The following MCF2L2 variants were observed in gnomAD, a reference collection of about 807,000 sequenced individuals.
MCF2L2 encodes the protein probable guanine nucleotide exchange factor MCF2L2.
MCF2L2 carries 102 observed loss-of-function variants against 150.2 expected under a neutral mutation model. That is an observed-to-expected ratio of 0.68 (90% CI 0.58 to 0.80). The LOEUF (loss-of-function observed/expected upper bound fraction) is 0.80, where lower values mean the gene tolerates loss of function less well. MCF2L2 is among the 30% of genes least tolerant of loss of function. The pLI, the probability that MCF2L2 is intolerant of heterozygous loss-of-function variation, is 0.00. For missense variants in MCF2L2, 1,256 were observed against 1,372.8 expected (o/e 0.91, Z 1.34); for synonymous variants, 465 against 491.3 (o/e 0.95, Z 0.71).
intron 15 of MCF2L2, among the ~76,000 whole-genome samples, chr3:183,245,849 G>A (rs1352684133): frequency 6.6e-6 from 1 of 152,202 alleles, no homozygotes; most frequent in Non-Finnish European, 1.5e-5. Context: ...TAACAGTTGA[G>A]TTTTGCTCAG....
At chr3:183,216,477 AT>A (rs1722918843) in intron 21 of MCF2L2, among the ~76,000 whole-genome samples, 1 of 139,398 alleles carries the variant, frequency 7.2e-6, no homozygotes, top group Non-Finnish European at 1.5e-5. Context: ...TTAATATATA[AT>A]TATATGTTTA....
chr3:183,412,830 T>C (rs1715389439), intron 1 of MCF2L2, among the ~76,000 whole-genome samples: 1 of 152,194 alleles, frequency 6.6e-6, no homozygotes, highest in Non-Finnish European at 1.5e-5. Context: ...CATTCAGTCA[T>C]TCAGCACTAA....
intron 1 of MCF2L2, among the ~76,000 whole-genome samples, chr3:183,396,936 T>C: frequency 6.6e-6 from 1 of 152,082 alleles, no homozygotes; most frequent in East Asian, 1.9e-4. Context: ...GACAAGAAAC[T>C]GAATCATCCC....
At chr3:183,218,592 C>T (rs1723032708) in intron 21 of MCF2L2, among the ~76,000 whole-genome samples, 1 of 152,044 alleles carries the variant, frequency 6.6e-6, no homozygotes, top group South Asian at 2.1e-4. Context: ...CGAAACTGCG[C>T]CATTGCACTC....
intron 15 of MCF2L2, among the ~76,000 whole-genome samples, chr3:183,264,923 C>A (rs1316063207): frequency 6.6e-6 from 1 of 152,164 alleles, no homozygotes; most frequent in African/African-American, 2.4e-5. Flanking sequence ...TACTTCTATT[C>A]TTTATTCTTC....
chr3:183,231,173 AC>A, intron 15 of MCF2L2, 156 bp from the exon 16 acceptor site: 1 of 697,356 alleles, frequency 1.4e-6, no homozygotes, highest in Admixed American at 2.0e-5. Context: ...TCTATTGAAC[AC>A]CCAAGGTCAG....
At chr3:183,272,423 AC>A in intron 15 of MCF2L2, 2 of 1,000,292 alleles carry the variant, frequency 2.0e-6, no homozygotes, top group Non-Finnish European at 2.4e-6. Flanking sequence ...TGTCGGAAAC[AC>A]GCAAAACAAA....
chr3:183,285,913 C>A (rs1727764048), intron 14 of MCF2L2, among the ~76,000 whole-genome samples: 1 of 152,190 alleles, frequency 6.6e-6, no homozygotes, highest in Non-Finnish European at 1.5e-5. Flanking sequence ...CCGGGGAAAG[C>A]AGTTCCCGTG....
intron 7 of MCF2L2, 22 bp downstream of exon 7, chr3:183,318,046 T>G (rs1383845505): frequency 3.1e-6 from 5 of 1,611,078 alleles, no homozygotes; most frequent in East Asian, 2.2e-5. Context: ...CACTGGCCTC[T>G]GAGAGGTCAC....
intron 7 of MCF2L2, among the ~76,000 whole-genome samples, chr3:183,317,295 G>A (rs1345481943): frequency 2.6e-5 from 4 of 152,208 alleles, no homozygotes; most frequent in East Asian, 1.9e-4. Context: ...TACACTGACC[G>A]TCCAATCCTC....
At chr3:183,324,399 T>G (rs570435877) in intron 5 of MCF2L2, among the ~76,000 whole-genome samples, 1 of 152,228 alleles carries the variant, frequency 6.6e-6, no homozygotes, top group Non-Finnish European at 1.5e-5. Flanking sequence ...CAAGGACTCC[T>G]CACTCCTATC....
rs968964386 is a variant in MCF2L2 at position 183,241,089 on chromosome 3, G to T, written c.1863-10072C>A. Among the ~76,000 whole-genome samples the T allele has an allele frequency of 4.6e-5, 7 of 152,216 alleles. No individual in the cohort carries two copies. In the East Asian group the frequency reaches 1.3e-3, roughly 29 times the overall value. ...ATTCCAATGAGTGTGATAAGGTAAG[G>T]CTAGTCAGAAAAGTCAGGTGCAGAG... On this transcript the variant is annotated intron_variant, in intron 15 of 29. Coordinates refer to ENST00000328913, the MANE Select transcript of MCF2L2 (RefSeq NM_015078.4).
Position 183,179,534 on chromosome 3 carries a change from C to T in MCF2L2, c.3222-31G>A. 1 of 1,611,654 alleles carries T rather than the reference C, an allele frequency of 6.2e-7. No homozygotes were observed. The highest frequency in any genetic ancestry group is 1.1e-5 in the South Asian group (1 of 90,976). The stretch of plus-strand genomic sequence containing the variant: ...ATTCCGAGAAGAAAGTCAGAGACGC[C>T]GTGGCCCAAAGAGGCGCTTAGTCTT... On this transcript the variant is annotated intron_variant, in intron 29 of 29. Coordinates refer to ENST00000328913, the MANE Select transcript of MCF2L2 (RefSeq NM_015078.4). The surrounding 1 kb of genome is among the most constrained non-coding windows in gnomAD (Gnocchi z 4.2).
chr3:183,304,023 C>T (rs1292620840), intron 10 of MCF2L2, among the ~76,000 whole-genome samples: 1 of 152,184 alleles, frequency 6.6e-6, no homozygotes, highest in African/African-American at 2.4e-5. Flanking sequence ...ATCCCTTCTC[C>T]ACCTGCTGTC....
At chr3:183,363,477 TA>T (rs1458882916) in intron 3 of MCF2L2, among the ~76,000 whole-genome samples, 1 of 152,132 alleles carries the variant, frequency 6.6e-6, no homozygotes, top group East Asian at 1.9e-4. Context: ...TATTTAGCAC[TA>T]AAAAGAAATG....
intron 1 of MCF2L2, among the ~76,000 whole-genome samples, chr3:183,390,807 G>T (rs1714100802): frequency 6.6e-6 from 1 of 152,328 alleles, no homozygotes. Context: ...TGAGGCAGGA[G>T]AATCTCTTGA....
chr3:183,189,183 A>G (rs1560331866), intron 27 of MCF2L2, among the ~76,000 whole-genome samples: 1 of 152,216 alleles, frequency 6.6e-6, no homozygotes, highest in East Asian at 1.9e-4. Context: ...GCTGGGTTCA[A>G]TTCTGCTACC....
At chr3:183,401,435 T>A (rs1452916408) in intron 1 of MCF2L2, among the ~76,000 whole-genome samples, 1 of 152,226 alleles carries the variant, frequency 6.6e-6, no homozygotes, top group Non-Finnish European at 1.5e-5. Flanking sequence ...AAAATTTTTT[T>A]AAAGGTTTTT....
intron 13 of MCF2L2, among the ~76,000 whole-genome samples, chr3:183,289,811 G>C (rs1251546940): frequency 6.6e-6 from 1 of 152,186 alleles, no homozygotes; most frequent in Non-Finnish European, 1.5e-5. Context: ...AGCTGAGATT[G>C]CGCCACTGCA....
Sources: gnomAD v4.1 joint callset for allele counts (sites outside exome capture counted in the v4.1 genomes callset) on GRCh38, gnomAD v4.1.1 for gene constraint, Gnocchi (gnomAD v3.1) non-coding constraint, MANE v1.5 for transcripts, NCBI Gene and HGNC (gene_info 2026-07-23, HGNC 2026-07-21) for gene names.